RNF4: variants seen among roughly 807,000 people sequenced by gnomAD.
RNF4 encodes E3 ubiquitin-protein ligase RNF4.
Under a neutral mutation model 24.3 loss-of-function variants are expected in RNF4, and 7 were observed. The observed-to-expected ratio is 0.29, with a 90% confidence interval of 0.16 to 0.54. The LOEUF (loss-of-function observed/expected upper bound fraction) is 0.54. Among genes scored for constraint, RNF4 ranks in the 20% least tolerant of loss-of-function variants. The pLI is 0.95. For missense variants in RNF4, 209 were observed against 248.5 expected (o/e 0.84, Z 1.07); for synonymous variants, 83 against 84.3 (o/e 0.98, Z 0.09).
intron 1 of RNF4, among the ~76,000 whole-genome samples, chr4:2,487,117 G>A (rs867521542): frequency 6.6e-6 from 1 of 152,166 alleles, no homozygotes; most frequent in Non-Finnish European, 1.5e-5. Context: ...CACTTACCAG[G>A]TGAGGTGTTG....
At chr4:2,496,550 T>C (rs1201478578) in intron 2 of RNF4, among the ~76,000 whole-genome samples, 1 of 152,120 alleles carries the variant, frequency 6.6e-6, no homozygotes. Context: ...AACCTCTGCC[T>C]CCCAGGTTCA....
intron 3 of RNF4, among the ~76,000 whole-genome samples, chr4:2,498,768 A>T (rs1735817896): frequency 6.6e-6 from 1 of 152,084 alleles, no homozygotes. Context: ...TATAAATAAA[A>T]AAATTAGCCA....
chr4:2,473,437 C>T (rs1734969388), intron 1 of RNF4, among the ~76,000 whole-genome samples: 1 of 152,094 alleles, frequency 6.6e-6, no homozygotes. Context: ...TTCTGACCCT[C>T]ATGGGTGACT....
Position 2,512,639 on chromosome 4 carries a change from G to A in RNF4, c.374+42G>A. ...AGCTCTGCTGCCGCCATGCTAGGAT[G>A]TGGGGCCAGGGCATGGGAATACTTT... On this transcript the variant is annotated intron_variant, in intron 6 of 7. Transcript: ENST00000314289. The surrounding 1 kb of genome is among the most constrained non-coding windows in gnomAD (Gnocchi z 4.1). The A allele has an allele frequency of 6.2e-7, 1 of 1,606,674 alleles. No individual in the cohort carries two copies. The highest frequency in any genetic ancestry group is 8.5e-7 in the Non-Finnish European group (1 of 1,175,714).
intron 7 of RNF4, among the ~76,000 whole-genome samples, chr4:2,513,403 A>G (rs1736324872): frequency 6.6e-6 from 1 of 152,148 alleles, no homozygotes; most frequent in South Asian, 2.1e-4. Flanking sequence ...TCCTGGCTCT[A>G]ACTGAAAGCT....
intron 4 of RNF4, chr4:2,505,615 G>T (rs137919359): frequency 2.0e-5 from 3 of 151,436 alleles, no homozygotes; most frequent in Non-Finnish European, 4.4e-5. Context: ...GTGAGCCACC[G>T]CGCCCGGCCT....
In RNF4 at chr4:2,515,215, A is replaced by G. The variant is rs945679222; in HGVS notation, c.*1396A>G. On this transcript the variant is annotated 3_prime_UTR_variant, in exon 8 of 8. Transcript: ENST00000314289. ...CTTCTGGCTTTGTTAGCAATAACTG[A>G]CCTTCAGTTTACCCTTCTGAAGGAG... 3.9e-5 allele frequency: 6 copies of G among 152,700 alleles called. No individual in the cohort carries two copies. Among genetic ancestry groups the G allele is most frequent in the African/African-American group, 1.4e-4 (6 of 41,464 alleles). 9.5% of individuals were successfully genotyped at this position (152,700 alleles called of 1,614,324 possible).
chr4:2,486,616 C>T (rs189444638), intron 1 of RNF4, among the ~76,000 whole-genome samples: 1 of 152,234 alleles, frequency 6.6e-6, no homozygotes, highest in East Asian at 1.9e-4. Context: ...TAGTAATGGT[C>T]TAGCTGGGCC....
intron 1 of RNF4, among the ~76,000 whole-genome samples, chr4:2,470,463 G>T (rs947217091): frequency 5.9e-5 from 9 of 152,320 alleles, no homozygotes; most frequent in African/African-American, 1.9e-4. Flanking sequence ...TATATTGCTG[G>T]CTTTTGTATT....
chr4:2,497,711 T>C (rs1560408974), intron 3 of RNF4, among the ~76,000 whole-genome samples: 1 of 152,218 alleles, frequency 6.6e-6, no homozygotes. Flanking sequence ...CTCGGCTCAC[T>C]GCAAGCTCCA....
Position 2,500,713 on chromosome 4 carries a change from A to T in RNF4, c.179A>T (p.Asp60Val). 4 of 1,613,888 alleles carry T rather than the reference A, an allele frequency of 2.5e-6. No homozygotes were observed. Among genetic ancestry groups the T allele is most frequent in the Non-Finnish European group, 3.4e-6 (4 of 1,179,828 alleles). Residue 60 changes from aspartate (D) to valine (V), a missense_variant, in exon 4 of 8, where the codon GAT (aspartate) becomes GTT (valine). By Grantham distance (152) the Asp-to-Val change is radical (BLOSUM62 -3). Transcript: ENST00000314289. ...GAATCTTTAGAGCCTGTGGTGGTTG[A>T]TCTGACTCACAATGACTCTGTTGTG... ...TCESLEPVVV[D>V]LTHNDSVVIV...
chr4:2,483,857 TGA>T (rs1375976337), intron 1 of RNF4, among the ~76,000 whole-genome samples: 2 of 152,016 alleles, frequency 1.3e-5, no homozygotes, highest in East Asian at 3.9e-4. Context: ...ATTTTGAGAC[TGA>T]GTTTCACTTG....
intron 4 of RNF4, among the ~76,000 whole-genome samples, chr4:2,503,914 GAGGT>G (rs1169530101): frequency 6.6e-6 from 1 of 152,174 alleles, no homozygotes; most frequent in African/African-American, 2.4e-5. Flanking sequence ...CCAGGATCCA[GAGGT>G]AGCCGTCAGA....
intron 1 of RNF4, among the ~76,000 whole-genome samples, chr4:2,484,273 G>A (rs964013504): frequency 6.6e-6 from 1 of 151,816 alleles, no homozygotes; most frequent in Non-Finnish European, 1.5e-5. Context: ...GCAGAGTTAC[G>A]ATATCATTCT....
At chr4:2,505,489 C>G (rs1354880889) in intron 4 of RNF4, 1 of 151,410 alleles carries the variant, frequency 6.6e-6, no homozygotes, top group Non-Finnish European at 1.5e-5. Context: ...CCACACCCGG[C>G]TAATTTTTTG....
chr4:2,482,283 C>G (rs1481686095), intron 1 of RNF4, among the ~76,000 whole-genome samples: 3 of 152,098 alleles, frequency 2.0e-5, no homozygotes, highest in African/African-American at 7.2e-5. Flanking sequence ...TCCCTGTACC[C>G]CAGCCAACCC....
intron 4 of RNF4, among the ~76,000 whole-genome samples, chr4:2,501,430 A>C (rs932337275): frequency 1.3e-5 from 2 of 152,218 alleles, no homozygotes; most frequent in East Asian, 3.9e-4. Flanking sequence ...GCTGGAGCCC[A>C]GGAGGCTGCC....
intron 3 of RNF4, among the ~76,000 whole-genome samples, chr4:2,498,270 G>A (rs1310447909): frequency 1.3e-5 from 2 of 151,902 alleles, no homozygotes; most frequent in Admixed American, 6.6e-5. Context: ...TGCAACCTCT[G>A]CCTCCCAGGT....
chr4:2,499,372 G>A (rs2108769090), intron 3 of RNF4: 1 of 433,330 alleles, frequency 2.3e-6, no homozygotes, highest in East Asian at 7.9e-5. Context: ...GCATCCCGGG[G>A]TTCAAGCAAT....
Sources: allele counts gnomAD v4.1 joint callset (sites outside exome capture counted in the v4.1 genomes callset), GRCh38; gene constraint gnomAD v4.1.1; non-coding constraint Gnocchi (gnomAD v3.1); transcripts MANE v1.5; gene names NCBI Gene and HGNC (gene_info 2026-07-23, HGNC 2026-07-21).